Variants in TSGA10 observed in about 807,000 individuals in gnomAD.
TSGA10 encodes testis specific 10, also known as testis-specific gene 10 protein.
TSGA10 carries 43 observed loss-of-function variants against 96.6 expected under a neutral mutation model. The ratio of observed to expected loss-of-function variants is 0.44; its 90% CI spans 0.35 to 0.57. The LOEUF (loss-of-function observed/expected upper bound fraction) is 0.57. Among genes scored for constraint, TSGA10 ranks in the 20% least tolerant of loss-of-function variants. TSGA10 has a pLI of 0.01. For missense variants in TSGA10, 703 were observed against 834.4 expected (o/e 0.84, Z 1.94); for synonymous variants, 229 against 269.9 (o/e 0.85, Z 1.48).
intron 11 of TSGA10, among the ~76,000 whole-genome samples, chr2:99,080,108 T>G (rs1218270492): frequency 6.6e-6 from 1 of 152,174 alleles, no homozygotes; most frequent in Non-Finnish European, 1.5e-5. Flanking sequence ...TACCCTTTAA[T>G]AGCCAAACTT....
At chr2:99,067,091 T>C (rs1427358679) in intron 15 of TSGA10, among the ~76,000 whole-genome samples, 2 of 152,224 alleles carry the variant, frequency 1.3e-5, no homozygotes, top group African/African-American at 4.8e-5. Context: ...TCCTTTATCA[T>C]CCACTTGTAC....
At chr2:99,060,208 T>C (rs866428436) in intron 16 of TSGA10, among the ~76,000 whole-genome samples, 106 of 152,260 alleles carry the variant, frequency 7.0e-4, no homozygotes, top group African/African-American at 2.5e-3. Context: ...ATTTAAACAA[T>C]GTTACAGAAT....
chr2:99,084,491 C>T (rs1056456082), intron 10 of TSGA10, among the ~76,000 whole-genome samples: 31 of 152,188 alleles, frequency 2.0e-4, no homozygotes, highest in Non-Finnish European at 4.0e-4. Context: ...TCCCCCTTTG[C>T]TTTCCACCAA....
At chr2:99,029,888 G>GC (rs1465759964) in intron 17 of TSGA10, among the ~76,000 whole-genome samples, 1 of 152,164 alleles carries the variant, frequency 6.6e-6, no homozygotes, top group Non-Finnish European at 1.5e-5. Flanking sequence ...ACGAAACAGT[G>GC]CAAGAAGGCA....
chr2:99,093,288 G>C (rs1027335110), intron 10 of TSGA10, among the ~76,000 whole-genome samples: 6 of 152,218 alleles, frequency 3.9e-5, no homozygotes, highest in Admixed American at 3.9e-4. Flanking sequence ...CATACCCACA[G>C]CCAATATAAT....
intron 17 of TSGA10, 91 bp downstream of exon 17, chr2:99,035,139 T>C (rs2081506916): frequency 1.1e-6 from 1 of 887,576 alleles, no homozygotes; most frequent in Non-Finnish European, 1.7e-6. Flanking sequence ...TGGATTCATG[T>C]AATATTACAT....
Position 99,109,527 on chromosome 2 carries a change from ATT to A in TSGA10, c.-73-17_-73-16del, listed in dbSNP as rs2091633544. 4 of 1,518,740 alleles carry A rather than the reference ATT, an allele frequency of 2.6e-6. No individual in the cohort carries two copies. Among genetic ancestry groups the A allele is most frequent in the Non-Finnish European group, 3.6e-6 (4 of 1,126,602 alleles). The allele number at this position is 1,518,740 out of a possible 1,614,324, so 94.1% of individuals were successfully genotyped here. On this transcript the variant is annotated splice_polypyrimidine_tract_variant and intron_variant, in intron 5 of 20. Coordinates refer to ENST00000393483, the MANE Select transcript of TSGA10 (RefSeq NM_025244.4). ...AGGAATCAAGTCTAGAAGGAGATTTATTTTGTGCTTTTTCAGTATCTAAAATT... is the reference window on the plus strand; with the variant it reads ...AGGAATCAAGTCTAGAAGGAGATTTATTGTGCTTTTTCAGTATCTAAAATT...
intron 10 of TSGA10, among the ~76,000 whole-genome samples, chr2:99,093,372 C>A (rs967885514): frequency 6.6e-6 from 1 of 152,160 alleles, no homozygotes; most frequent in Non-Finnish European, 1.5e-5. Context: ...CTCTCCACTT[C>A]TATTCAACAT....
intron 7 of TSGA10, among the ~76,000 whole-genome samples, chr2:99,106,954 A>AT (rs2091412130): frequency 6.6e-6 from 1 of 152,172 alleles, no homozygotes; most frequent in Non-Finnish European, 1.5e-5. Context: ...AAAGCTAACT[A>AT]TTTAACTCTT....
At chr2:99,085,714 G>T (rs2088253024) in intron 10 of TSGA10, among the ~76,000 whole-genome samples, 1 of 145,864 alleles carries the variant, frequency 6.9e-6, no homozygotes, top group Non-Finnish European at 1.5e-5. Flanking sequence ...AAAAGACAAG[G>T]AAAAAAGTTA....
At chr2:99,006,034 A>C (rs1300857742) in intron 20 of TSGA10, among the ~76,000 whole-genome samples, 23 of 152,276 alleles carry the variant, frequency 1.5e-4, no homozygotes, top group African/African-American at 5.1e-4. Context: ...CAAAAACAAG[A>C]AATGGGGAAA....
intron 16 of TSGA10, among the ~76,000 whole-genome samples, chr2:99,062,231 G>C (rs1182949496): frequency 1.3e-5 from 2 of 151,862 alleles, no homozygotes; most frequent in Non-Finnish European, 2.9e-5. Context: ...ACCAAGAAGT[G>C]AGCACAGATG....
intron 10 of TSGA10, among the ~76,000 whole-genome samples, chr2:99,101,091 A>G (rs1465686332): frequency 4.0e-5 from 6 of 150,438 alleles, no homozygotes; most frequent in East Asian, 2.0e-4. Context: ...GTGAAACCCC[A>G]TCTCTACTAA....
chr2:99,015,083 C>T (rs561100663), intron 20 of TSGA10, among the ~76,000 whole-genome samples: 1 of 152,268 alleles, frequency 6.6e-6, no homozygotes, highest in East Asian at 1.9e-4. Context: ...GGAACCAATC[C>T]TATAGAACAC....
intron 4 of TSGA10, among the ~76,000 whole-genome samples, chr2:99,115,824 A>G (rs772946547): frequency 6.6e-6 from 1 of 152,182 alleles, no homozygotes; most frequent in African/African-American, 2.4e-5. Flanking sequence ...GGTTGCAGTG[A>G]GCCGAGATCG....
chr2:99,084,724 C>G (rs2088026395), intron 10 of TSGA10, among the ~76,000 whole-genome samples: 1 of 151,852 alleles, frequency 6.6e-6, no homozygotes, highest in African/African-American at 2.4e-5. Flanking sequence ...GTATATGAGG[C>G]AGAAAGTGAT....
At chr2:99,070,017 A>C (rs1282089697) in intron 14 of TSGA10, among the ~76,000 whole-genome samples, 1 of 152,166 alleles carries the variant, frequency 6.6e-6, no homozygotes, top group Non-Finnish European at 1.5e-5. Flanking sequence ...CTTCTGCAAT[A>C]CTGGTTCTTA....
At chr2:99,103,942 G>C in intron 10 of TSGA10, 25 bp downstream of exon 10, 1 of 1,610,660 alleles carries the variant, frequency 6.2e-7, no homozygotes, top group African/African-American at 1.3e-5. Context: ...TAAACTGTTG[G>C]TTGTTTAAAG....
intron 10 of TSGA10, among the ~76,000 whole-genome samples, chr2:99,093,456 A>G (rs1042522586): frequency 2.4e-4 from 37 of 152,198 alleles, no homozygotes; most frequent in African/African-American, 8.2e-4. Context: ...GAGGAATTCA[A>G]ACTGTCACTG....
Sources: gnomAD v4.1 joint callset for allele counts (sites outside exome capture counted in the v4.1 genomes callset) on GRCh38, gnomAD v4.1.1 for gene constraint, MANE v1.5 for transcripts, NCBI Gene and HGNC (gene_info 2026-07-23, HGNC 2026-07-21) for gene names.